Variants in IGFBP4 observed in about 807,000 individuals in gnomAD.
The protein encoded by IGFBP4 is insulin-like growth factor-binding protein 4.
A neutral mutation model predicts 25.8 loss-of-function variants in IGFBP4; 9 were observed. The ratio of observed to expected loss-of-function variants is 0.35; its 90% CI spans 0.21 to 0.61. IGFBP4 has a LOEUF of 0.61. Among genes scored for constraint, IGFBP4 ranks in the 20% least tolerant of loss-of-function variants. The pLI is 0.77. For synonymous variants in IGFBP4, 153 were observed against 153.9 expected, an observed-to-expected ratio of 0.99 and a Z score of 0.05; for missense variants, 315 against 365.3, an observed-to-expected ratio of 0.86 and a Z score of 1.12.
intron 1 of IGFBP4, among the ~76,000 whole-genome samples, chr17:40,444,884 A>ACACACACACACAC (rs2035632456): frequency 1.2e-5 from 1 of 80,304 alleles, no homozygotes; most frequent in African/African-American, 5.6e-5. Context: ...GAGAGAGAGA[A>ACACACACACACAC]ACACACACAC....
At chr17:40,452,946 T>C (rs2035693428) in intron 1 of IGFBP4, 39 bp from the exon 2 acceptor site, 6 of 1,432,478 alleles carry the variant, frequency 4.2e-6, no homozygotes, top group African/African-American at 1.5e-5. Flanking sequence ...CTCTGACCTC[T>C]TCCGGTGCTG....
At chr17:40,452,251 AC>A (rs1331136482) in intron 1 of IGFBP4, among the ~76,000 whole-genome samples, 1 of 152,122 alleles carries the variant, frequency 6.6e-6, no homozygotes, top group Non-Finnish European at 1.5e-5. Context: ...GTTCTGGGCA[AC>A]CCCTATGGAC....
chr17:40,447,528 T>C (rs552181962), intron 1 of IGFBP4, among the ~76,000 whole-genome samples: 69 of 152,326 alleles, frequency 4.5e-4, no homozygotes, highest in Non-Finnish European at 1.6e-4. Context: ...TCCAGTTATG[T>C]CATGGGAACA....
intron 1 of IGFBP4, among the ~76,000 whole-genome samples, chr17:40,450,166 C>T (rs2035674182): frequency 6.6e-6 from 1 of 152,108 alleles, no homozygotes; most frequent in African/African-American, 2.4e-5. Flanking sequence ...CATCACCACA[C>T]CAGGCTAATT....
chr17:40,454,903 T>G (rs984197785), intron 3 of IGFBP4, among the ~76,000 whole-genome samples: 3 of 152,094 alleles, frequency 2.0e-5, no homozygotes, highest in Non-Finnish European at 4.4e-5. Flanking sequence ...AATCCACAAT[T>G]TGAGCTGCCA....
chr17:40,447,706 C>T (rs998948958), intron 1 of IGFBP4, among the ~76,000 whole-genome samples: 18 of 152,194 alleles, frequency 1.2e-4, no homozygotes, highest in Non-Finnish European at 2.1e-4. Context: ...TCCTCCTCCC[C>T]TTCCACCCAG....
At chr17:40,455,076 C>A (rs1398552959) in intron 3 of IGFBP4, among the ~76,000 whole-genome samples, 1 of 151,968 alleles carries the variant, frequency 6.6e-6, no homozygotes, top group East Asian at 1.9e-4. Flanking sequence ...ATCCTTGTCC[C>A]AATTTAAAAA....
rs544803108 is a variant in IGFBP4, at chr17:40,446,632, TAAAC to T, written c.349+2552_349+2555del. ...CTCTGTCTAAAGAAAACAAAACAAA[TAAAC>T]AAAAAAAACAAAAAACGGTGTCTTG... On this transcript the variant is annotated intron_variant, in intron 1 of 3. Coordinates refer to ENST00000269593, the MANE Select transcript of IGFBP4 (RefSeq NM_001552.3). Among the ~76,000 whole-genome samples, 26 of 151,658 alleles carry T rather than the reference TAAAC, an allele frequency of 1.7e-4. No individual in the cohort carries two copies. The South Asian group carries it at 5.0e-3, about 29-fold the overall frequency.
At position 40,443,904 on chromosome 17, in the gene IGFBP4, G is replaced by A; in HGVS notation, c.169G>A (p.Ala57Thr). The A allele has an allele frequency of 2.0e-6, 3 of 1,530,030 alleles. No individual in the cohort carries two copies. Among genetic ancestry groups the A allele is most frequent in the Non-Finnish European group, 2.6e-6 (3 of 1,143,872 alleles). The allele number at this position is 1,530,030 out of a possible 1,614,324, so 94.8% of individuals were successfully genotyped here. The stretch of plus-strand genomic sequence containing the variant: ...GCGAGAGCCGGGCTGCGGCTGTTGC[G>A]CCACTTGCGCCCTGGGCTTGGGGAT... ...LVREPGCGCC[A>T]TCALGLGMPC... Residue 57 changes from alanine to threonine, a missense_variant, in exon 1 of 4, where the codon GCC becomes ACC. Transcript: ENST00000269593.
chr17:40,454,769 A>G (rs2035705420), intron 3 of IGFBP4, among the ~76,000 whole-genome samples: 1 of 152,144 alleles, frequency 6.6e-6, no homozygotes, highest in African/African-American at 2.4e-5. Context: ...GGCCCATCAG[A>G]ATGGGTGGCC....
rs146656173 is a variant in IGFBP4 at position 40,449,825 on chromosome 17, C to T, written c.350-3160C>T. Among the ~76,000 whole-genome samples the T allele has an allele frequency of 6.9e-3, 1,045 of 152,132 alleles. 5 individuals carry two copies. Among genetic ancestry groups the T allele is most frequent in the Non-Finnish European group, 0.01 (698 of 67,982 alleles). ...CATAGTTGTGGTCATGCTTCTATTC[C>T]ATATCTCTTGAGATTTTTGAGGCTG... On this transcript the variant is annotated intron_variant, in intron 1 of 3. Transcript: ENST00000269593.
At chr17:40,444,249 A>G (rs1324796037) in intron 1 of IGFBP4, among the ~76,000 whole-genome samples, 165 bp downstream of exon 1, 1 of 152,152 alleles carries the variant, frequency 6.6e-6, no homozygotes, top group Non-Finnish European at 1.5e-5. Flanking sequence ...TCATCAAGGA[A>G]ACTGCTACCG....
At chr17:40,451,349 A>T (rs1422460798) in intron 1 of IGFBP4, among the ~76,000 whole-genome samples, 1 of 152,188 alleles carries the variant, frequency 6.6e-6, no homozygotes, top group African/African-American at 2.4e-5. Flanking sequence ...GGTGAATTTT[A>T]TTAATAACCT....
In IGFBP4 at chr17:40,443,711, G is replaced by T; in HGVS notation, c.-25G>T. The T allele has an allele frequency of 5.3e-6, 7 of 1,326,104 alleles. No homozygotes were observed. The highest frequency in any genetic ancestry group is 6.7e-6 in the Non-Finnish European group (7 of 1,040,540). The allele number at this position is 1,326,104 out of a possible 1,614,324, so 82.1% of individuals were successfully genotyped here. A position where few individuals can be genotyped will look rare whatever the true frequency, so the allele number is the denominator to read the frequency against. Reference sequence around the variant, plus strand: ...TCCCCGCCTGCGCCCAGCGCCCCGCGCCCGCGCCCAGTCCTCGGGCGGTCA... The same window carrying T: ...TCCCCGCCTGCGCCCAGCGCCCCGCTCCCGCGCCCAGTCCTCGGGCGGTCA... On this transcript the variant is annotated 5_prime_UTR_variant, in exon 1 of 4. Coordinates refer to ENST00000269593, the MANE Select transcript of IGFBP4 (RefSeq NM_001552.3).
chr17:40,450,215 G>A (rs1012874121), intron 1 of IGFBP4, among the ~76,000 whole-genome samples: 1 of 152,110 alleles, frequency 6.6e-6, no homozygotes, highest in African/African-American at 2.4e-5. Flanking sequence ...TCCTAGGCTG[G>A]TCTTGAACTC....
At position 40,443,837 on chromosome 17, in the gene IGFBP4, G is replaced by A; in HGVS notation, c.102G>A (p.Lys34=). The A allele has an allele frequency of 6.5e-7, 1 of 1,534,280 alleles. No homozygotes were observed. The highest frequency in any genetic ancestry group is 8.7e-7 in the Non-Finnish European group (1 of 1,146,934). The change falls in exon 1 of 4, where the codon AAG becomes AAA. Residue 34 remains lysine, a synonymous_variant. Transcript: ENST00000269593. ...AIHCPPCSEE[K]LARCRPPVGC... is the part of the protein sequence containing the mutation. Reference sequence around the variant, plus strand: ...ACTGCCCGCCCTGCTCCGAGGAGAAGCTGGCGCGCTGCCGCCCCCCCGTGG... The same window carrying A: ...ACTGCCCGCCCTGCTCCGAGGAGAAACTGGCGCGCTGCCGCCCCCCCGTGG...
intron 3 of IGFBP4, among the ~76,000 whole-genome samples, chr17:40,455,288 T>A (rs2035707888): frequency 6.6e-6 from 1 of 152,048 alleles, no homozygotes; most frequent in Non-Finnish European, 1.5e-5. Flanking sequence ...TATATTAGGG[T>A]TCACTTTTTG....
rs1157823092 is a variant in IGFBP4, at chr17:40,453,067, C to T, written c.432C>T (p.Ala144=). The T allele has an allele frequency of 1.9e-6, 3 of 1,601,974 alleles. No individual in the cohort carries two copies. The highest frequency in any genetic ancestry group is 8.5e-7 in the Non-Finnish European group (1 of 1,174,126). ...HDRRCLQKHF[A]KIRDRSTSGG... is the part of the protein sequence containing the mutation. Reference sequence around the variant, plus strand: ...GCAGGTGCCTGCAGAAGCACTTCGCCAAAATTCGAGACCGGAGCACCAGTG... The same window carrying T: ...GCAGGTGCCTGCAGAAGCACTTCGCTAAAATTCGAGACCGGAGCACCAGTG... Residue 144 remains alanine, a synonymous_variant, in exon 2 of 4, where the codon GCC becomes GCT. Coordinates refer to ENST00000269593, the MANE Select transcript of IGFBP4 (RefSeq NM_001552.3). The surrounding 1 kb of genome is among the most constrained non-coding windows in gnomAD (Gnocchi z 4.0).
Position 40,456,525 on chromosome 17 carries a change from G to T in IGFBP4, c.719G>T (p.Gly240Val), listed in dbSNP as rs746432168. Residue 240 changes from glycine to valine, a missense_variant, in exon 4 of 4, where the codon GGC (glycine) becomes GTC (valine). Transcript: ENST00000269593. ...DRKTGVKLPG[G>V]LEPKGELDCH... Reference sequence around the variant, plus strand: ...AAGACGGGGGTGAAGCTTCCGGGGGGCCTGGAGCCAAAGGGGGAGCTGGAC... The same window carrying T: ...AAGACGGGGGTGAAGCTTCCGGGGGTCCTGGAGCCAAAGGGGGAGCTGGAC... 6.2e-6 allele frequency: 10 copies of T among 1,613,640 alleles called. No homozygotes were observed. In the South Asian group the frequency reaches 9.9e-5, roughly 16 times the overall value.
Sources: allele counts gnomAD v4.1 joint callset (sites outside exome capture counted in the v4.1 genomes callset), GRCh38; gene constraint gnomAD v4.1.1; non-coding constraint Gnocchi (gnomAD v3.1); transcripts MANE v1.5; gene names NCBI Gene and HGNC (gene_info 2026-07-23, HGNC 2026-07-21).